Variants in GSE1 observed in about 807,000 individuals in gnomAD.
GSE1 encodes the protein Gse1 coiled-coil protein.
A neutral mutation model predicts 112.6 loss-of-function variants in GSE1; 32 were observed. The observed-to-expected ratio is 0.28, with a 90% CI of 0.21 to 0.38. The LOEUF (loss-of-function observed/expected upper bound fraction) is 0.38, where lower values mean the gene tolerates loss of function less well. Among genes scored for constraint, GSE1 ranks in the 10% least tolerant of loss-of-function variants. The pLI is 1.00. For missense variants in GSE1, 2,348 were observed against 1,699.2 expected, an observed-to-expected ratio of 1.38 and a Z score of -6.71; for synonymous variants, 1,115 against 735.6, an observed-to-expected ratio of 1.52 and a Z score of -8.35.
intron 1 of GSE1, 42 bp downstream of exon 1, chr16:85,613,440 T>TCCCCCCA (rs1369569427): frequency 3.0e-5 from 45 of 1,506,308 alleles, no homozygotes; most frequent in Non-Finnish European, 3.7e-5. Context: ...TCCTCCCCCC[T>TCCCCCCA]CCCCCCACCG....
At chr16:85,612,712 G>A (rs1381357784), upstream of GSE1, among the ~76,000 whole-genome samples, 2 of 151,498 alleles carry the variant, frequency 1.3e-5, no homozygotes, top group East Asian at 3.9e-4. Flanking sequence ...GGGGGGTGGG[G>A]CTTGGGTACA....
chr16:85,485,897 A>G (rs942174605), intron 2 of GSE1, among the ~76,000 whole-genome samples: 1 of 152,114 alleles, frequency 6.6e-6, no homozygotes, highest in African/African-American at 2.4e-5. Context: ...CCCCAAACAC[A>G]CACAGAGAGG....
intron 1 of GSE1, among the ~76,000 whole-genome samples, chr16:85,255,327 C>G (rs1421897257): frequency 1.3e-5 from 2 of 152,126 alleles, no homozygotes; most frequent in Non-Finnish European, 2.9e-5. Flanking sequence ...CCGCTGCCTT[C>G]TGGCTGTGTG....
chr16:85,238,760 AG>A (rs1179856795), intron 1 of GSE1, among the ~76,000 whole-genome samples: 1 of 152,064 alleles, frequency 6.6e-6, no homozygotes, highest in South Asian at 2.1e-4. Context: ...CAGTCAGGAT[AG>A]GGGGGCTCCT....
intron 2 of GSE1, among the ~76,000 whole-genome samples, chr16:85,524,187 C>A (rs539817892): frequency 5.3e-5 from 8 of 152,116 alleles, no homozygotes; most frequent in Non-Finnish European, 8.8e-5. Flanking sequence ...GGCTGGCTCT[C>A]TCTGGCTGGC....
Position 85,180,694 on chromosome 16 carries a change from C to T in GSE1, c.2283+8887C>T, listed in dbSNP as rs1033010360. 5.3e-5 allele frequency among the ~76,000 whole-genome samples: 8 copies of T among 152,136 alleles called. No homozygotes were observed. The South Asian group carries it at 1.0e-3, about 20-fold the overall frequency. Reference sequence around the variant, plus strand: ...GTGGGGAAGTGCCGGCGCCGGGATCCGCACCCAGGCTGCCTGGCTCCAGCG... The same window carrying T: ...GTGGGGAAGTGCCGGCGCCGGGATCTGCACCCAGGCTGCCTGGCTCCAGCG... On this transcript the variant is annotated intron_variant, in intron 1 of 2. Transcript: ENST00000637419.
At chr16:85,612,019 CA>C (rs2048016976), upstream of GSE1, among the ~76,000 whole-genome samples, 1 of 151,854 alleles carries the variant, frequency 6.6e-6, no homozygotes, top group Admixed American at 6.5e-5. Flanking sequence ...GGCGGCCGCC[CA>C]GGGGGTGCTG....
rs563860378 is a variant in GSE1, at chr16:85,668,151, G to A, written c.3142G>A (p.Val1048Met). Reference protein sequence around the residue: ...ALQKHKGSVAVLSAEQNHKVD... With the variant: ...ALQKHKGSVAMLSAEQNHKVD... ...TGTCCCCTCCACAGGGAGCGTGGCT[G>A]TGCTGTCTGCAGAGCAGAACCACAA... Residue 1048 changes from valine (V) to methionine (M), a missense_variant, in exon 14 of 16, where the codon GTG becomes ATG. Physicochemically the swap from Val to Met is conservative, Grantham distance 21 (BLOSUM62 1). Coordinates refer to ENST00000253458, the MANE Select transcript of GSE1 (RefSeq NM_014615.5). 1.6e-5 allele frequency: 26 copies of A among 1,586,556 alleles called. No individual in the cohort carries two copies. In the South Asian group the frequency reaches 2.0e-4, roughly 12 times the overall value.
chr16:85,565,505 C>T (rs982411881), intron 1 of GSE1, among the ~76,000 whole-genome samples: 7 of 152,222 alleles, frequency 4.6e-5, no homozygotes, highest in African/African-American at 1.7e-4. Context: ...TGAGAAGCCC[C>T]CAGAGCTGCA....
intron 1 of GSE1, among the ~76,000 whole-genome samples, chr16:85,242,815 T>A (rs1426815181): frequency 6.6e-6 from 1 of 152,144 alleles, no homozygotes; most frequent in African/African-American, 2.4e-5. Flanking sequence ...ATTAAATTAA[T>A]TAATTTATTT....
upstream of GSE1, among the ~76,000 whole-genome samples, chr16:85,607,362 C>G (rs2047751065): frequency 6.6e-6 from 1 of 152,238 alleles, no homozygotes; most frequent in Non-Finnish European, 1.5e-5. Context: ...TACTCCCTCT[C>G]CCGCCCGCTT....
intron 1 of GSE1, among the ~76,000 whole-genome samples, chr16:85,322,557 A>T (rs550210574): frequency 6.8e-6 from 1 of 147,904 alleles, no homozygotes; most frequent in Non-Finnish European, 1.5e-5. Context: ...TGCTCTAGGG[A>T]TGTTGTTCCC....
chr16:85,498,847 C>T (rs890863285), intron 2 of GSE1, among the ~76,000 whole-genome samples: 5 of 152,252 alleles, frequency 3.3e-5, no homozygotes, highest in Non-Finnish European at 5.9e-5. Context: ...CCCAGCCACC[C>T]TTCCCCCTGC....
intron 1 of GSE1, among the ~76,000 whole-genome samples, chr16:85,207,330 G>A (rs1303492446): frequency 2.0e-5 from 3 of 152,338 alleles, no homozygotes; most frequent in East Asian, 3.9e-4. Context: ...CTTCAGGGCC[G>A]GCTCTGCTGT....
At chr16:85,254,935 C>A (rs1040138516) in intron 1 of GSE1, among the ~76,000 whole-genome samples, 2 of 152,230 alleles carry the variant, frequency 1.3e-5, no homozygotes, top group African/African-American at 4.8e-5. Flanking sequence ...CACCACAGTG[C>A]GCTCATAAAC....
chr16:85,281,754 G>A (rs2044864311), intron 1 of GSE1, among the ~76,000 whole-genome samples: 1 of 152,202 alleles, frequency 6.6e-6, no homozygotes, highest in Non-Finnish European at 1.5e-5. Flanking sequence ...GTCCAGTGAT[G>A]GGGTGGGAGG....
At chr16:85,359,400 A>C (rs1446245178) in intron 2 of GSE1, 4 of 455,952 alleles carry the variant, frequency 8.8e-6, no homozygotes, top group African/African-American at 6.0e-5. Context: ...CAAGGCCCAG[A>C]TGGACCCCTA....
chr16:85,319,422 T>C (rs2046052810), intron 1 of GSE1, among the ~76,000 whole-genome samples: 1 of 152,208 alleles, frequency 6.6e-6, no homozygotes, highest in Non-Finnish European at 1.5e-5. Context: ...GGCCTCAGCC[T>C]GTGTCCGCCC....
At chr16:85,216,909 C>T (rs575733036) in intron 1 of GSE1, among the ~76,000 whole-genome samples, 18 of 152,334 alleles carry the variant, frequency 1.2e-4, no homozygotes, top group South Asian at 2.1e-4. Flanking sequence ...AATGAGTTTG[C>T]AGCACCCCCT....
Sources: allele counts gnomAD v4.1 joint callset (sites outside exome capture counted in the v4.1 genomes callset), GRCh38; gene constraint gnomAD v4.1.1; transcripts MANE v1.5; gene names NCBI Gene and HGNC (gene_info 2026-07-23, HGNC 2026-07-21).